The following GPC6 variants were observed in gnomAD, a reference collection of about 807,000 sequenced individuals.
GPC6 encodes glypican 6, also known as glypican-6.
GPC6 carries 14 observed loss-of-function variants against 55.2 expected under a neutral mutation model. The observed-to-expected ratio is 0.25, with a 90% CI of 0.17 to 0.40. The LOEUF is 0.40. GPC6 is among the 10% of genes least tolerant of loss of function. The pLI, the probability that GPC6 is intolerant of heterozygous loss-of-function variation, is 1.00. For missense variants in GPC6, 641 were observed against 708.5 expected, an observed-to-expected ratio of 0.90 and a Z score of 1.08; for synonymous variants, 278 against 259.6, an observed-to-expected ratio of 1.07 and a Z score of -0.68.
chr13:93,989,656 A>G (rs1881202249), intron 3 of GPC6, among the ~76,000 whole-genome samples: 1 of 152,166 alleles, frequency 6.6e-6, no homozygotes, highest in Admixed American at 6.6e-5. Context: ...AGCAGCAATA[A>G]TGTCAGACTG....
At chr13:93,305,263 T>G (rs77952489) in intron 1 of GPC6, among the ~76,000 whole-genome samples, 3,335 of 152,050 alleles carry the variant, frequency 0.022, 125 homozygotes, top group African/African-American at 0.076. Context: ...GTGTGTGTGT[T>G]TTTGTTTTGT....
chr13:94,106,619 A>G (rs1393398355), intron 4 of GPC6, among the ~76,000 whole-genome samples: 1 of 152,134 alleles, frequency 6.6e-6, no homozygotes, highest in Non-Finnish European at 1.5e-5. Flanking sequence ...TATAATAATA[A>G]GGAAAGTAAA....
chr13:93,928,780 G>T (rs1877992259), intron 3 of GPC6, among the ~76,000 whole-genome samples: 1 of 151,542 alleles, frequency 6.6e-6, no homozygotes, highest in South Asian at 2.1e-4. Context: ...GATTTATTTT[G>T]CCTCTGGCTG....
At chr13:93,387,625 T>C (rs1172552421) in intron 1 of GPC6, among the ~76,000 whole-genome samples, 1 of 152,218 alleles carries the variant, frequency 6.6e-6, no homozygotes, top group African/African-American at 2.4e-5. Context: ...AGTTGATTCA[T>C]AGGATTGTCA....
chr13:93,276,613 A>AGGCAGCC (rs1877762925), intron 1 of GPC6, among the ~76,000 whole-genome samples: 1 of 151,542 alleles, frequency 6.6e-6, no homozygotes, highest in South Asian at 2.1e-4. Flanking sequence ...CTGGGTGTGA[A>AGGCAGCC]GGCAGCCTTG....
At position 93,763,376 on chromosome 13, in the gene GPC6, G is replaced by C. The variant is rs146260539; in HGVS notation, c.320-66778G>C. Among the ~76,000 whole-genome samples, 668 of 152,276 alleles carry C rather than the reference G, an allele frequency of 4.4e-3. 6 individuals carry two copies. The highest frequency in any genetic ancestry group is 0.015 in the African/African-American group (623 of 41,550). ...TGCATAGCCTACAATCAAAGGGCAA[G>C]GTGGTGAGGTGGCTCTTTCTGTGCA... On this transcript the variant is annotated intron_variant, in intron 2 of 8. Coordinates refer to ENST00000377047, the MANE Select transcript of GPC6 (RefSeq NM_005708.5).
intron 3 of GPC6, chr13:93,830,956 C>T (rs1444970251): frequency 1.2e-5 from 2 of 169,070 alleles, no homozygotes; most frequent in African/African-American, 4.8e-5. Context: ...CTTCATGGAC[C>T]TGCGAATGGA....
rs1252363047 is a variant in GPC6 at position 94,262,847 on chromosome 13, A to G, written c.878-23502A>G. Among the ~76,000 whole-genome samples the G allele has an allele frequency of 2.6e-5, 4 of 152,164 alleles. No individual in the cohort carries two copies. The East Asian group carries it at 7.7e-4, about 29-fold the overall frequency. ...CACATCTCTTTTTCATTTCCCTTGA[A>G]TTATCAAATTCTGTTTATGTAAAAC... On this transcript the variant is annotated intron_variant, in intron 4 of 8. Transcript: ENST00000377047.
At chr13:94,112,486 C>G (rs934268444) in intron 4 of GPC6, among the ~76,000 whole-genome samples, 13 of 152,120 alleles carry the variant, frequency 8.5e-5, no homozygotes, top group Admixed American at 8.5e-4. Context: ...CAGATTGACT[C>G]ACTTTGAACT....
At chr13:93,813,202 G>A (rs2092332571) in intron 2 of GPC6, among the ~76,000 whole-genome samples, 1 of 152,098 alleles carries the variant, frequency 6.6e-6, no homozygotes, top group African/African-American at 2.4e-5. Context: ...TGATTCATAA[G>A]GTCAGGAGTT....
intron 3 of GPC6, among the ~76,000 whole-genome samples, chr13:93,901,612 G>T (rs1300672811): frequency 2.0e-5 from 3 of 152,000 alleles, no homozygotes; most frequent in African/African-American, 4.8e-5. Context: ...TCTTTAAAAA[G>T]ATTTTAAAGG....
chr13:94,219,229 G>A (rs1166548491), intron 4 of GPC6, among the ~76,000 whole-genome samples: 1 of 152,124 alleles, frequency 6.6e-6, no homozygotes, highest in Non-Finnish European at 1.5e-5. Flanking sequence ...GAATTGATGA[G>A]AGCATTTTCT....
intron 4 of GPC6, among the ~76,000 whole-genome samples, chr13:94,225,353 C>T (rs973394815): frequency 6.6e-6 from 1 of 152,060 alleles, no homozygotes; most frequent in African/African-American, 2.4e-5. Context: ...TTTCAGCCTT[C>T]GTCCACCCAA....
chr13:94,354,428 G>T (rs1878698167), intron 6 of GPC6, among the ~76,000 whole-genome samples: 1 of 151,760 alleles, frequency 6.6e-6, no homozygotes, highest in African/African-American at 2.4e-5. Flanking sequence ...AATGAAACAA[G>T]AAACAAACCA....
chr13:93,846,354 T>C (rs965950286), intron 3 of GPC6, among the ~76,000 whole-genome samples: 4 of 152,180 alleles, frequency 2.6e-5, no homozygotes, highest in Non-Finnish European at 5.9e-5. Flanking sequence ...CCACTTATTA[T>C]ATAAGAAACC....
In GPC6 at chr13:93,273,551, G is replaced by A. The variant is rs191241636; in HGVS notation, c.160+45935G>A. On this transcript the variant is annotated intron_variant, in intron 1 of 8. Coordinates refer to ENST00000377047, the MANE Select transcript of GPC6 (RefSeq NM_005708.5). ...TGGGCGCCTGTAGTCCCAGCTACTCGGGAGGCTGAGGCAGGAGAATGGCAT... is the reference window on the plus strand; with the variant it reads ...TGGGCGCCTGTAGTCCCAGCTACTCAGGAGGCTGAGGCAGGAGAATGGCAT... 4.7e-3 allele frequency among the ~76,000 whole-genome samples: 716 copies of A among 151,966 alleles called. 5 individuals are homozygous for A. Among genetic ancestry groups the A allele is most frequent in the African/African-American group, 0.015 (640 of 41,502 alleles).
chr13:93,861,537 A>G (rs9524260), intron 3 of GPC6, among the ~76,000 whole-genome samples: 99,839 of 151,470 alleles, frequency 0.66, 33,440 homozygotes, highest in East Asian at 0.81. Context: ...GAAGCTCAGA[A>G]CCTAATTCTC....
At chr13:94,373,243 G>A (rs1049239334) in intron 6 of GPC6, among the ~76,000 whole-genome samples, 2 of 151,910 alleles carry the variant, frequency 1.3e-5, no homozygotes, top group African/African-American at 4.8e-5. Context: ...AGAGAAGAAG[G>A]CTTCAGACGA....
intron 4 of GPC6, among the ~76,000 whole-genome samples, chr13:94,180,739 A>C (rs567355895): frequency 1.3e-5 from 2 of 152,328 alleles, no homozygotes; most frequent in Non-Finnish European, 2.9e-5. Flanking sequence ...GGCAAGTCAG[A>C]GGATTTTTTT....
Sources: allele counts gnomAD v4.1 joint callset (sites outside exome capture counted in the v4.1 genomes callset), GRCh38; gene constraint gnomAD v4.1.1; transcripts MANE v1.5; gene names NCBI Gene and HGNC (gene_info 2026-07-23, HGNC 2026-07-21).